SEMA6A: variants seen among roughly 807,000 people sequenced by gnomAD.
SEMA6A encodes semaphorin 6A.
In SEMA6A, 25 loss-of-function variants were observed where a neutral mutation model predicts 96.8. The observed-to-expected ratio is 0.26, with a 90% CI of 0.19 to 0.36. The LOEUF (loss-of-function observed/expected upper bound fraction) is 0.36, where lower values mean the gene tolerates loss of function less well. Among genes scored for constraint, SEMA6A ranks in the 10% least tolerant of loss-of-function variants. The pLI is 1.00. For missense variants in SEMA6A, 1,363 were observed against 1,323.1 expected, an observed-to-expected ratio of 1.03 and a Z score of -0.47; for synonymous variants, 612 against 518.0, an observed-to-expected ratio of 1.18 and a Z score of -2.46.
intron 10 of SEMA6A, among the ~76,000 whole-genome samples, chr5:116,484,584 T>C (rs1044160163): frequency 1.3e-5 from 2 of 151,554 alleles, no homozygotes; most frequent in Non-Finnish European, 2.9e-5. Context: ...AGATGGCTCA[T>C]TGCACTCCAG....
chr5:116,464,062 T>C (rs1755575820), intron 18 of SEMA6A, among the ~76,000 whole-genome samples: 1 of 152,216 alleles, frequency 6.6e-6, no homozygotes. Flanking sequence ...AAAGCTCTTA[T>C]TTCTTTTGCT....
intron 16 of SEMA6A, among the ~76,000 whole-genome samples, chr5:116,474,408 G>A (rs1460278517): frequency 6.6e-6 from 1 of 151,738 alleles, no homozygotes. Context: ...ACGGATGAAC[G>A]CACACACGTA....
chr5:116,489,959 TATTC>T (rs1757253395), intron 7 of SEMA6A, among the ~76,000 whole-genome samples: 1 of 152,222 alleles, frequency 6.6e-6, no homozygotes, highest in Non-Finnish European at 1.5e-5. Context: ...GGATTGCAGA[TATTC>T]ATTAGTTGTA....
chr5:116,547,609 G>A (rs1236294555), intron 1 of SEMA6A, among the ~76,000 whole-genome samples: 1 of 151,792 alleles, frequency 6.6e-6, no homozygotes, highest in East Asian at 1.9e-4. Flanking sequence ...GGAAGCTTCT[G>A]CAACAGAAGC....
At chr5:116,466,617 T>C (rs1755774535) in intron 18 of SEMA6A, among the ~76,000 whole-genome samples, 1 of 152,092 alleles carries the variant, frequency 6.6e-6, no homozygotes, top group Non-Finnish European at 1.5e-5. Flanking sequence ...AAAGTGAAGA[T>C]GGAGATATGT....
intron 12 of SEMA6A, among the ~76,000 whole-genome samples, chr5:116,478,937 T>A (rs984665956): frequency 1.9e-4 from 28 of 149,610 alleles, no homozygotes; most frequent in Middle Eastern, 3.5e-3. Flanking sequence ...AGAGTGTGTG[T>A]GTGTGTGTGT....
intron 3 of SEMA6A, among the ~76,000 whole-genome samples, chr5:116,498,020 G>C (rs1290113804): frequency 6.6e-6 from 1 of 152,130 alleles, no homozygotes; most frequent in African/African-American, 2.4e-5. Flanking sequence ...GTTTTGCTGA[G>C]AATTGGGTTG....
In SEMA6A at chr5:116,446,844, G is replaced by A; in HGVS notation, c.2862C>T (p.Gly954=). The A allele has an allele frequency of 6.2e-7, 1 of 1,613,958 alleles. No individual in the cohort carries two copies. Among genetic ancestry groups the A allele is most frequent in the Non-Finnish European group, 8.5e-7 (1 of 1,179,882 alleles). The change falls in exon 19 of 19, where the codon GGC becomes GGT. Residue 954 remains glycine, a synonymous_variant. Coordinates refer to ENST00000343348, the MANE Select transcript of SEMA6A (RefSeq NM_020796.5). ...GGGCGGGCGGCGGGTTGTCTCCCCT[G>A]CCAAAGCTCTGGTTTCTGGAGAGGT... ...SSHLSRNQSF[G]RGDNPPPAPQ... is the part of the protein sequence containing the mutation.
At chr5:116,530,565 CT>C (rs1320159213) in intron 1 of SEMA6A, among the ~76,000 whole-genome samples, 1 of 151,912 alleles carries the variant, frequency 6.6e-6, no homozygotes, top group Non-Finnish European at 1.5e-5. Context: ...ATCTGGTAAG[CT>C]TTTTTTAAGA....
intron 1 of SEMA6A, among the ~76,000 whole-genome samples, chr5:116,538,301 ATGATAGGTATTTGT>A (rs1298380616): frequency 6.6e-6 from 1 of 152,180 alleles, no homozygotes; most frequent in East Asian, 1.9e-4. Flanking sequence ...TTTTTTTGCA[ATGATAGGTATTTGT>A]TGATCCTTTA....
chr5:116,476,160 A>G (rs898884248), intron 15 of SEMA6A, among the ~76,000 whole-genome samples: 4 of 152,116 alleles, frequency 2.6e-5, no homozygotes, highest in Non-Finnish European at 4.4e-5. Flanking sequence ...GCCCTGCCCC[A>G]GTCCTTGGGA....
intron 17 of SEMA6A, 146 bp from the exon 18 acceptor site, chr5:116,467,893 T>TGGTGGG: frequency 1.8e-6 from 1 of 570,270 alleles, no homozygotes. Flanking sequence ...GTGGTGGTGG[T>TGGTGGG]GGTGGTGGTG....
intron 2 of SEMA6A, among the ~76,000 whole-genome samples, chr5:116,504,631 C>G (rs1322993406): frequency 6.6e-6 from 1 of 152,208 alleles, no homozygotes; most frequent in Non-Finnish European, 1.5e-5. Context: ...AGGGGCGTTT[C>G]AAATCCTCAC....
intron 17 of SEMA6A, chr5:116,468,302 G>C (rs1176165841): frequency 6.6e-6 from 1 of 152,346 alleles, no homozygotes; most frequent in South Asian, 2.1e-4. Flanking sequence ...AGTGTGTCTA[G>C]TCTTCAGGTT....
At chr5:116,468,696 C>T (rs912601394) in intron 17 of SEMA6A, 4 of 152,172 alleles carry the variant, frequency 2.6e-5, no homozygotes, top group Non-Finnish European at 4.4e-5. Flanking sequence ...GATACCTGTT[C>T]TCTCTGGCAG....
At position 116,447,055 on chromosome 5, in the gene SEMA6A, C is replaced by T. The variant is rs754494225; in HGVS notation, c.2651G>A (p.Arg884Gln). ...LDSLPPKVPQ[R>Q]EASLGPPGAS... The stretch of plus-strand genomic sequence containing the variant: ...TCCCGGGGGACCCAGGGAGGCCTCC[C>T]GCTGTGGAACTTTGGGGGGCAGGCT... The change falls in exon 19 of 19, where the codon CGG becomes CAG. Residue 884 changes from arginine to glutamine, a missense_variant. Physicochemically the swap from Arg to Gln is conservative, Grantham distance 43. Transcript: ENST00000343348. The T allele has an allele frequency of 6.2e-7, 1 of 1,613,904 alleles. No individual in the cohort carries two copies. Among genetic ancestry groups the T allele is most frequent in the Non-Finnish European group, 8.5e-7 (1 of 1,179,844 alleles).
chr5:116,565,847 A>C (rs1310563165), intron 1 of SEMA6A, among the ~76,000 whole-genome samples: 2 of 152,158 alleles, frequency 1.3e-5, no homozygotes, highest in African/African-American at 4.8e-5. Flanking sequence ...CATTTTCAGG[A>C]AAGGAACGTT....
chr5:116,447,269 G>A lies in SEMA6A; in HGVS notation c.2437C>T (p.Pro813Ser). The change falls in exon 19 of 19, where the codon CCC becomes TCC. Residue 813 changes from proline (P) to serine (S), a missense_variant. By Grantham distance (74) the Pro-to-Ser change is moderately conservative. Coordinates refer to ENST00000343348, the MANE Select transcript of SEMA6A (RefSeq NM_020796.5). ...GTGATGGGCAGGACCACCACGCTGGGGATGTGGCTGGGGGAGGCCCGCAGG... is the reference window on the plus strand; with the variant it reads ...GTGATGGGCAGGACCACCACGCTGGAGATGTGGCTGGGGGAGGCCCGCAGG... Reference protein sequence around the residue: ...LPLRASPSHIPSVVVLPITQQ... With the variant: ...LPLRASPSHISSVVVLPITQQ... 2 of 1,613,924 alleles carry A rather than the reference G, an allele frequency of 1.2e-6. No homozygotes were observed. Among genetic ancestry groups the A allele is most frequent in the South Asian group, 2.2e-5 (2 of 91,088 alleles).
At chr5:116,465,260 G>A (rs771711322) in intron 18 of SEMA6A, among the ~76,000 whole-genome samples, 5 of 152,112 alleles carry the variant, frequency 3.3e-5, no homozygotes, top group Non-Finnish European at 7.3e-5. Flanking sequence ...CTTTTCCAAC[G>A]GAGTAACGCC....
Sources: allele counts gnomAD v4.1 joint callset (sites outside exome capture counted in the v4.1 genomes callset), GRCh38; gene constraint gnomAD v4.1.1; transcripts MANE v1.5; gene names NCBI Gene and HGNC (gene_info 2026-07-23, HGNC 2026-07-21).